Variants in EYA2 observed in about 807,000 individuals in gnomAD.
EYA2 encodes the protein EYA transcriptional coactivator and phosphatase 2.
EYA2 carries 31 observed loss-of-function variants against 69.2 expected under a neutral mutation model. The ratio of observed to expected loss-of-function variants is 0.45; its 90% CI spans 0.34 to 0.60. EYA2 has a LOEUF of 0.60. EYA2 is among the 20% of genes least tolerant of loss of function. EYA2 has a pLI of 0.02. For synonymous variants in EYA2, 257 were observed against 279.4 expected, an observed-to-expected ratio of 0.92 and a Z score of 0.80; for missense variants, 622 against 701.2, an observed-to-expected ratio of 0.89 and a Z score of 1.28.
intron 1 of EYA2, among the ~76,000 whole-genome samples, 162 bp downstream of exon 1, chr20:46,895,149 G>A (rs1050863444): frequency 5.9e-5 from 9 of 152,202 alleles, no homozygotes; most frequent in Non-Finnish European, 1.0e-4. Flanking sequence ...GCCTCCCAGG[G>A]CCAGGAAGGC....
chr20:46,986,318 TATA>T (rs959618012), intron 1 of EYA2, among the ~76,000 whole-genome samples: 8 of 146,914 alleles, frequency 5.4e-5, no homozygotes, highest in African/African-American at 1.5e-4. Context: ...ATATATTATA[TATA>T]ATATCTCTAT....
intron 5 of EYA2, among the ~76,000 whole-genome samples, chr20:47,050,118 G>A (rs6124934): frequency 0.4 from 60,052 of 151,936 alleles, 13,121 homozygotes; most frequent in East Asian, 0.57. Flanking sequence ...CGAGTGCCTC[G>A]TAAGATCACA....
At chr20:46,987,916 G>GTCTCTCTC (rs1555809755) in intron 1 of EYA2, among the ~76,000 whole-genome samples, 39 of 20,342 alleles carry the variant, frequency 1.9e-3, no homozygotes, top group African/African-American at 4.0e-3. Flanking sequence ...GACAGAGTAA[G>GTCTCTCTC]TCTCTCTCTC....
At chr20:47,157,578 G>T (rs951692244) in intron 10 of EYA2, among the ~76,000 whole-genome samples, 14 of 151,818 alleles carry the variant, frequency 9.2e-5, no homozygotes, top group Admixed American at 9.2e-4. Context: ...TGAAAGGGTG[G>T]ACATTACTAA....
intron 1 of EYA2, among the ~76,000 whole-genome samples, chr20:46,924,318 G>A (rs1035395339): frequency 6.6e-6 from 1 of 152,054 alleles, no homozygotes; most frequent in African/African-American, 2.4e-5. Flanking sequence ...AAATGTTTGG[G>A]TCAAGGTGAC....
intron 10 of EYA2, among the ~76,000 whole-genome samples, chr20:47,149,140 AT>A (rs2146609995): frequency 6.6e-6 from 1 of 152,346 alleles, no homozygotes; most frequent in East Asian, 1.9e-4. Context: ...TTAATTTAAA[AT>A]ACATTTAAAA....
intron 1 of EYA2, among the ~76,000 whole-genome samples, chr20:46,971,528 A>T (rs564824258): frequency 6.6e-6 from 1 of 152,204 alleles, no homozygotes; most frequent in African/African-American, 2.4e-5. Context: ...ACTGCAAGGG[A>T]ACCTGGGAAA....
chr20:47,006,554 A>G (rs1030918555), intron 4 of EYA2, among the ~76,000 whole-genome samples: 2 of 152,102 alleles, frequency 1.3e-5, no homozygotes, highest in African/African-American at 4.8e-5. Flanking sequence ...AGTTGAGTGC[A>G]GAGGCTGACT....
At position 47,016,216 on chromosome 20, in the gene EYA2, G is replaced by A. The variant is rs1160369502; in HGVS notation, c.334G>A (p.Gly112Ser). 4 of 1,614,078 alleles carry A rather than the reference G, an allele frequency of 2.5e-6. No individual in the cohort carries two copies. The highest frequency in any genetic ancestry group is 3.4e-6 in the Non-Finnish European group (4 of 1,179,982). The change falls in exon 5 of 16, where the codon GGC (glycine) becomes AGC (serine). Residue 112 changes from glycine to serine, a missense_variant. This residue lies in a region of EYA2 where 365 missense variants were observed against 349.7 expected (regional missense o/e 1.04). Coordinates refer to ENST00000327619, the MANE Select transcript of EYA2 (RefSeq NM_005244.5). ...AGAAGACAGCTTGAACCATTCCCCT[G>A]GCCAGAGTGGATTCCTCAGCTATGG... ...KTEDSLNHSP[G>S]QSGFLSYGSS...
intron 5 of EYA2, among the ~76,000 whole-genome samples, chr20:47,066,930 C>G (rs535390901): frequency 2.6e-5 from 4 of 152,228 alleles, no homozygotes; most frequent in Admixed American, 2.0e-4. Context: ...TTGTCAAAAC[C>G]CTCCAGAGAC....
At chr20:47,067,902 C>G (rs777876904) in intron 5 of EYA2, among the ~76,000 whole-genome samples, 23 of 152,176 alleles carry the variant, frequency 1.5e-4, no homozygotes, top group Non-Finnish European at 2.8e-4. Flanking sequence ...ATATAGCATT[C>G]TGAGTTGATG....
At chr20:47,165,963 G>T (rs1268820594) in intron 10 of EYA2, among the ~76,000 whole-genome samples, 1 of 152,008 alleles carries the variant, frequency 6.6e-6, no homozygotes. Context: ...GCCACAGCGG[G>T]AGGATCACTT....
chr20:47,184,938 G>A (rs1434587862), intron 15 of EYA2, among the ~76,000 whole-genome samples: 1 of 152,080 alleles, frequency 6.6e-6, no homozygotes, highest in East Asian at 1.9e-4. Flanking sequence ...ACCACACACA[G>A]AACTCCCATA....
At chr20:47,098,074 G>T (rs1437499517) in intron 9 of EYA2, among the ~76,000 whole-genome samples, 1 of 152,136 alleles carries the variant, frequency 6.6e-6, no homozygotes, top group Non-Finnish European at 1.5e-5. Context: ...TTTTTATGGG[G>T]GTTATAACAA....
intron 3 of EYA2, among the ~76,000 whole-genome samples, chr20:47,001,787 C>CTTTTTT (rs61340904): frequency 1.4e-5 from 2 of 147,438 alleles, no homozygotes; most frequent in Non-Finnish European, 3.0e-5. Flanking sequence ...TCTCTTCATT[C>CTTTTTT]TTTTTTTTTT....
chr20:46,922,325 G>C (rs1985214309), intron 1 of EYA2, among the ~76,000 whole-genome samples: 1 of 152,222 alleles, frequency 6.6e-6, no homozygotes, highest in Non-Finnish European at 1.5e-5. Flanking sequence ...ATCTCTGGTA[G>C]ATAAGAGAGG....
intron 10 of EYA2, 28 bp downstream of exon 10, chr20:47,143,176 T>G (rs2033632045): frequency 1.9e-6 from 3 of 1,578,618 alleles, no homozygotes; most frequent in South Asian, 1.1e-5. Flanking sequence ...TCATTTAATA[T>G]TTGCCATGTT....
intron 1 of EYA2, among the ~76,000 whole-genome samples, chr20:46,963,059 A>G (rs2075449961): frequency 1.3e-5 from 2 of 152,318 alleles, no homozygotes; most frequent in South Asian, 2.1e-4. Flanking sequence ...CGTTTTCTAC[A>G]CTGACTCGCA....
chr20:47,180,957 G>T (rs192504342), intron 14 of EYA2, 21 bp downstream of exon 14: 1 of 1,611,724 alleles, frequency 6.2e-7, no homozygotes, highest in Non-Finnish European at 8.5e-7. Context: ...GCCACACCTC[G>T]GCGGGGATAC....
Sources: gnomAD v4.1 joint callset for allele counts (sites outside exome capture counted in the v4.1 genomes callset) on GRCh38, gnomAD v4.1.1 for gene constraint, gnomAD v4.1.1 regional missense constraint, MANE v1.5 for transcripts, NCBI Gene and HGNC (gene_info 2026-07-23, HGNC 2026-07-21) for gene names.